The following PDK1 variants were observed in gnomAD, a reference collection of about 807,000 sequenced individuals.
The protein encoded by PDK1 is [Pyruvate dehydrogenase (acetyl-transferring)] kinase isozyme 1, mitochondrial.
PDK1 carries 39 observed loss-of-function variants against 54.2 expected under a neutral mutation model. The ratio of observed to expected loss-of-function variants is 0.72; its 90% CI spans 0.56 to 0.94. The LOEUF is 0.94. Ranked by LOEUF, PDK1 falls within the 40% of genes least tolerant of loss-of-function variation. The pLI, the probability that PDK1 is intolerant of heterozygous loss-of-function variation, is 0.00. For missense variants in PDK1, 552 were observed against 566.0 expected (o/e 0.98, Z 0.25); for synonymous variants, 221 against 207.1 (o/e 1.07, Z -0.58).
chr2:172,701,316 A>G, the PDK1 span, among the ~76,000 whole-genome samples: 1 of 145,202 alleles, frequency 6.9e-6, no homozygotes, highest in Non-Finnish European at 1.5e-5. Flanking sequence ...CTATGTTTTG[A>G]TTAAAAACAA....
chr2:172,596,502 C>T lies in PDK1; in HGVS notation c.*533C>T, dbSNP rs990169424. On this transcript the variant is annotated 3_prime_UTR_variant, in exon 11 of 11. Coordinates refer to ENST00000282077, the MANE Select transcript of PDK1 (RefSeq NM_002610.5). ...AGAACCAGCCACCCTTCGGCGTCTA[C>T]ATGCATTGTCTTAGCTCTGAGGTTA... 6.6e-6 allele frequency: 1 copy of T among 152,664 alleles called. No homozygotes were observed. The highest frequency in any genetic ancestry group is 1.5e-5 in the Non-Finnish European group (1 of 68,394). The allele number at this position is 152,664 out of a possible 1,614,324, so 9.5% of individuals were successfully genotyped here.
chr2:172,680,231 C>T, the PDK1 span, among the ~76,000 whole-genome samples: 4 of 152,194 alleles, frequency 2.6e-5, no homozygotes, highest in African/African-American at 7.2e-5. Context: ...TGCAAGCTCT[C>T]GGAAGGGGCC....
chr2:172,622,892 T>C, the PDK1 span, among the ~76,000 whole-genome samples: 2 of 147,906 alleles, frequency 1.4e-5, no homozygotes, highest in Admixed American at 1.4e-4. Flanking sequence ...ACATATTATA[T>C]GTAATATAAT....
rs1690890605 is a variant in PDK1, at chr2:172,596,297, C to G, written c.*328C>G. ...ACTAGTTTTTTTTTTTTAAGAAATA[C>G]TTTCATTTATGTTTGCTAGAAACAT... On this transcript the variant is annotated 3_prime_UTR_variant, in exon 11 of 11. Coordinates refer to ENST00000282077, the MANE Select transcript of PDK1 (RefSeq NM_002610.5). 5.8e-6 allele frequency: 1 copy of G among 171,578 alleles called. No homozygotes were observed. The highest frequency in any genetic ancestry group is 1.7e-4 in the South Asian group (1 of 5,900). The allele number at this position is 171,578 out of a possible 1,614,324, so 10.6% of individuals were successfully genotyped here.
intron 8 of PDK1, among the ~76,000 whole-genome samples, chr2:172,573,567 A>G (rs2149242201): frequency 1.3e-5 from 2 of 151,592 alleles, no homozygotes; most frequent in South Asian, 4.1e-4. Context: ...ATACGCATAT[A>G]TACATATATG....
intron 8 of PDK1, among the ~76,000 whole-genome samples, chr2:172,574,706 A>G (rs1335258893): frequency 6.6e-6 from 1 of 152,118 alleles, no homozygotes; most frequent in Non-Finnish European, 1.5e-5. Context: ...TGTTCTATTA[A>G]TTCCATTTTT....
At chr2:172,556,653 A>C in intron 1 of PDK1, 24 of 238,162 alleles carry the variant, frequency 1.0e-4, no homozygotes, top group East Asian at 2.5e-4. Context: ...GGCCCCTTCC[A>C]AGGAGTCGGA....
At chr2:172,645,641 G>A in the PDK1 span, among the ~76,000 whole-genome samples, 1 of 152,140 alleles carries the variant, frequency 6.6e-6, no homozygotes, top group Non-Finnish European at 1.5e-5. Context: ...AAAGAGGATG[G>A]TTGTGCCTAT....
rs1258094824 is a variant in PDK1 at position 172,598,225 on chromosome 2, T to C, written c.*2256T>C. The C allele has an allele frequency of 2.6e-5, 4 of 152,252 alleles. No homozygotes were observed. The highest frequency in any genetic ancestry group is 4.4e-5 in the Non-Finnish European group (3 of 68,044). The allele number at this position is 152,252 out of a possible 1,614,324, so 9.4% of individuals were successfully genotyped here. A position where few individuals can be genotyped will look rare whatever the true frequency, so the allele number is the denominator to read the frequency against. The stretch of plus-strand genomic sequence containing the variant: ...CCTAAATGAAACATTTGTACAACAT[T>C]TGATGTTTTTACTTATGAAATATTC... On this transcript the variant is annotated 3_prime_UTR_variant, in exon 11 of 11. Transcript: ENST00000282077.
chr2:172,636,882 C>T, the PDK1 span, among the ~76,000 whole-genome samples: 996 of 152,170 alleles, frequency 6.5e-3, 4 homozygotes, highest in Middle Eastern at 0.027. Context: ...AACATCCAGA[C>T]GATGTCAGTC....
intron 10 of PDK1, among the ~76,000 whole-genome samples, chr2:172,593,250 A>G (rs1317083957): frequency 2.0e-5 from 3 of 152,078 alleles, no homozygotes; most frequent in African/African-American, 7.2e-5. Context: ...AGTGATTAGG[A>G]CTCTGTCTAT....
intron 8 of PDK1, among the ~76,000 whole-genome samples, chr2:172,580,672 A>G (rs1208556598): frequency 6.6e-6 from 1 of 152,252 alleles, no homozygotes; most frequent in East Asian, 1.9e-4. Context: ...TAGTGGCACT[A>G]TTCACAATAG....
chr2:172,641,004 TTC>T, the PDK1 span, among the ~76,000 whole-genome samples: 3 of 20,614 alleles, frequency 1.5e-4, no homozygotes, highest in Admixed American at 1.8e-3. Context: ...TCTTTTTCTT[TTC>T]TTTCTTTCTT....
At chr2:172,566,713 GC>G in intron 5 of PDK1, 142 bp from the exon 6 acceptor site, 1 of 295,834 alleles carries the variant, frequency 3.4e-6, no homozygotes. Flanking sequence ...AAAAAAAAAA[GC>G]AGACTTTCAC....
the PDK1 span, among the ~76,000 whole-genome samples, chr2:172,657,765 A>T: frequency 6.6e-6 from 1 of 152,124 alleles, no homozygotes; most frequent in Admixed American, 6.6e-5. Context: ...CAAGGATAAG[A>T]AGTTGAGGCT....
chr2:172,655,764 C>T, the PDK1 span, among the ~76,000 whole-genome samples: 4 of 152,334 alleles, frequency 2.6e-5, no homozygotes, highest in Admixed American at 6.5e-5. Context: ...TTGCTGTCCA[C>T]GGATGGCTTG....
rs777311823 is a variant in PDK1 at position 172,599,368 on chromosome 2, C to A, written c.*3399C>A. On this transcript the variant is annotated 3_prime_UTR_variant, in exon 11 of 11. Transcript: ENST00000282077. ...TGGGAAAACTGTTAGTTTTAAGGTC[C>A]CACTGTTGCTCTGTGAATGACTAAT... is the stretch of plus-strand genomic sequence containing the variant. 2 of 152,000 alleles carry A rather than the reference C, an allele frequency of 1.3e-5. No individual in the cohort carries two copies. Among genetic ancestry groups the A allele is most frequent in the Non-Finnish European group, 2.9e-5 (2 of 67,996 alleles). The allele number at this position is 152,000 out of a possible 1,614,324, so 9.4% of individuals were successfully genotyped here.
the PDK1 span, among the ~76,000 whole-genome samples, chr2:172,618,646 G>T: frequency 6.6e-6 from 1 of 152,306 alleles, no homozygotes; most frequent in Middle Eastern, 3.4e-3. Flanking sequence ...ATTGTCTCAG[G>T]TGAGCAGATA....
chr2:172,714,975 T>C, the PDK1 span, among the ~76,000 whole-genome samples: 1 of 152,236 alleles, frequency 6.6e-6, no homozygotes, highest in South Asian at 2.1e-4. Flanking sequence ...CTATATCTAA[T>C]TATCTTTATG....
Sources: gnomAD v4.1 joint callset for allele counts (sites outside exome capture counted in the v4.1 genomes callset) on GRCh38, gnomAD v4.1.1 for gene constraint, MANE v1.5 for transcripts, NCBI Gene and HGNC (gene_info 2026-07-23, HGNC 2026-07-21) for gene names.